RSPO2: variants seen among roughly 807,000 people sequenced by gnomAD.
RSPO2 encodes the protein R-spondin-2.
A neutral mutation model predicts 30.9 loss-of-function variants in RSPO2; 14 were observed. The ratio of observed to expected loss-of-function variants is 0.45; its 90% confidence interval spans 0.30 to 0.71. RSPO2 has a LOEUF of 0.71. Among genes scored for constraint, RSPO2 ranks in the 30% least tolerant of loss-of-function variants. The probability of loss-of-function intolerance (pLI) is 0.08; values close to 1 mark genes in which losing one functional copy is unlikely to be tolerated. For missense variants in RSPO2, 264 were observed against 301.9 expected (o/e 0.87, Z 0.93); for synonymous variants, 107 against 96.4 (o/e 1.11, Z -0.64).
At chr8:107,999,217 T>G (rs1434805330) in intron 2 of RSPO2, among the ~76,000 whole-genome samples, 1 of 152,094 alleles carries the variant, frequency 6.6e-6, no homozygotes, top group African/African-American at 2.4e-5. Flanking sequence ...TATTAATAAA[T>G]CATATCAATT....
chr8:107,937,993 CAAT>C (rs1812774265), intron 5 of RSPO2, among the ~76,000 whole-genome samples: 1 of 151,984 alleles, frequency 6.6e-6, no homozygotes, highest in South Asian at 2.1e-4. Context: ...AACCTGTCCA[CAAT>C]AATATCCTTG....
intron 2 of RSPO2, among the ~76,000 whole-genome samples, chr8:108,027,824 T>C (rs1811273282): frequency 6.6e-6 from 1 of 152,194 alleles, no homozygotes; most frequent in Non-Finnish European, 1.5e-5. Flanking sequence ...CCGAGCTTCT[T>C]TCTATACATT....
chr8:107,982,897 T>C (rs1321790949), intron 3 of RSPO2, among the ~76,000 whole-genome samples: 1 of 152,202 alleles, frequency 6.6e-6, no homozygotes, highest in Non-Finnish European at 1.5e-5. Flanking sequence ...TCAATATTAA[T>C]ATACTATATT....
chr8:107,977,909 G>C (rs1480698245), intron 3 of RSPO2, among the ~76,000 whole-genome samples: 1 of 151,662 alleles, frequency 6.6e-6, no homozygotes, highest in Non-Finnish European at 1.5e-5. Flanking sequence ...GATGTGACAG[G>C]AGAGCAAGGA....
At chr8:108,054,305 C>G (rs1812169463) in intron 2 of RSPO2, among the ~76,000 whole-genome samples, 1 of 152,120 alleles carries the variant, frequency 6.6e-6, no homozygotes, top group Non-Finnish European at 1.5e-5. Flanking sequence ...AGCAGGAAGA[C>G]TTTGACAAAC....
intron 2 of RSPO2, among the ~76,000 whole-genome samples, chr8:108,062,144 A>T (rs1812490590): frequency 6.6e-6 from 1 of 151,876 alleles, no homozygotes; most frequent in Non-Finnish European, 1.5e-5. Context: ...GCAGAAGCAA[A>T]CACATTCAAA....
chr8:107,917,545 TG>T (rs1348938349), intron 5 of RSPO2, among the ~76,000 whole-genome samples: 1 of 152,190 alleles, frequency 6.6e-6, no homozygotes, highest in African/African-American at 2.4e-5. Flanking sequence ...TTTAAACCTT[TG>T]ATATTTGACA....
At chr8:107,999,872 G>A (rs2130553876) in intron 2 of RSPO2, among the ~76,000 whole-genome samples, 1 of 152,026 alleles carries the variant, frequency 6.6e-6, no homozygotes, top group East Asian at 1.9e-4. Context: ...ACTCTCCAGT[G>A]CCAGCACCAT....
intron 3 of RSPO2, chr8:107,983,283 A>T: frequency 1.3e-6 from 2 of 1,597,006 alleles, no homozygotes; most frequent in South Asian, 2.3e-5. Flanking sequence ...CTCATCTTTC[A>T]CTGGAATTGC....
At chr8:107,914,647 CCTT>C (rs961840520) in intron 5 of RSPO2, among the ~76,000 whole-genome samples, 2 of 152,008 alleles carry the variant, frequency 1.3e-5, no homozygotes, top group East Asian at 1.9e-4. Context: ...AAACCTTCCT[CCTT>C]TAGAATTTTC....
chr8:108,028,308 C>G (rs1030619196), intron 2 of RSPO2, among the ~76,000 whole-genome samples: 2 of 152,156 alleles, frequency 1.3e-5, no homozygotes, highest in Non-Finnish European at 2.9e-5. Context: ...TGTCCAAATG[C>G]CACCTTCTCT....
intron 2 of RSPO2, among the ~76,000 whole-genome samples, chr8:107,992,192 C>CACACACACAG (rs1814870088): frequency 6.6e-6 from 1 of 151,642 alleles, no homozygotes; most frequent in South Asian, 2.1e-4. Context: ...CACACACACA[C>CACACACACAG]ACACACACAC....
chr8:108,008,366 T>C (rs1255546880), intron 2 of RSPO2, among the ~76,000 whole-genome samples: 2 of 152,152 alleles, frequency 1.3e-5, no homozygotes, highest in African/African-American at 4.8e-5. Flanking sequence ...ACAGAGTTCA[T>C]CACTGTTGGG....
intron 5 of RSPO2, among the ~76,000 whole-genome samples, chr8:107,933,469 T>C (rs1396847272): frequency 1.3e-5 from 2 of 152,190 alleles, no homozygotes; most frequent in Non-Finnish European, 2.9e-5. Flanking sequence ...TATCACCCTC[T>C]CTCTATATGT....
intron 4 of RSPO2, 23 bp downstream of exon 4, chr8:107,960,651 G>A: frequency 6.2e-7 from 1 of 1,601,216 alleles, no homozygotes; most frequent in Non-Finnish European, 8.5e-7. Flanking sequence ...TGCAGATTGA[G>A]AGTTACATTA....
chr8:108,002,363 T>C (rs2130561428), intron 2 of RSPO2, among the ~76,000 whole-genome samples: 1 of 152,316 alleles, frequency 6.6e-6, no homozygotes, highest in East Asian at 1.9e-4. Flanking sequence ...ATAAAGTACT[T>C]AAATACTTCT....
chr8:107,962,956 G>A (rs2130447113), intron 3 of RSPO2, among the ~76,000 whole-genome samples: 1 of 152,222 alleles, frequency 6.6e-6, no homozygotes, highest in Admixed American at 6.5e-5. Context: ...CAGGCCCTTT[G>A]CTGATCTTTA....
intron 5 of RSPO2, among the ~76,000 whole-genome samples, chr8:107,916,759 T>G (rs1291045750): frequency 6.6e-6 from 1 of 152,168 alleles, no homozygotes; most frequent in African/African-American, 2.4e-5. Context: ...TTTCCATAGG[T>G]TAAATATTAA....
chr8:107,946,639 T>C (rs1813068959), intron 5 of RSPO2, among the ~76,000 whole-genome samples: 1 of 152,160 alleles, frequency 6.6e-6, no homozygotes, highest in Admixed American at 6.5e-5. Flanking sequence ...AAAAATATTG[T>C]ATAATTAACA....
Sources: allele counts gnomAD v4.1 joint callset (sites outside exome capture counted in the v4.1 genomes callset), GRCh38; gene constraint gnomAD v4.1.1; transcripts MANE v1.5; gene names NCBI Gene and HGNC (gene_info 2026-07-23, HGNC 2026-07-21).